Variants in MYH3 observed in about 807,000 individuals in gnomAD.
MYH3 encodes myosin heavy chain 3.
In MYH3, 130 loss-of-function variants were observed where a neutral mutation model predicts 238.0. That is an observed-to-expected ratio of 0.55 (90% CI 0.47 to 0.63). The LOEUF (loss-of-function observed/expected upper bound fraction) is 0.63. Among genes scored for constraint, MYH3 ranks in the 30% least tolerant of loss-of-function variants. MYH3 has a pLI of 0.00. For synonymous variants in MYH3, 880 were observed against 924.1 expected (o/e 0.95, Z 0.86); for missense variants, 1,853 against 2,374.9 (o/e 0.78, Z 4.57).
Position 10,640,425 on chromosome 17 carries a change from C to T in MYH3, c.2334G>A (p.Arg778=), listed in dbSNP as rs1460223492. Residue 778 remains arginine, a synonymous_variant, in exon 21 of 41, where the codon CGG becomes CGA. Transcript: ENST00000583535. ...AGLLGTLEEM[R]DDRLAKLITR... ...TGATTAGTTTGGCCAGGCGGTCATC[C>T]CGCATCTCTTCCAGGGTTCCCAGCA... 4 of 1,614,218 alleles carry T rather than the reference C, an allele frequency of 2.5e-6. No individual in the cohort carries two copies. Among genetic ancestry groups the T allele is most frequent in the East Asian group, 4.5e-5 (2 of 44,888 alleles).
Position 10,638,876 on chromosome 17 carries a change from C to T in MYH3, c.3336G>A (p.Leu1112=). The change falls in exon 26 of 41, where the codon TTG becomes TTA. Residue 1112 remains leucine, a synonymous_variant. Transcript: ENST00000583535. ...GAGAAATGCAGAGGGCTCCTACCTG[C>T]AACTCTTTGATTTTCTTCTGAAACT... is the stretch of plus-strand genomic sequence containing the variant. The part of the protein sequence containing the change: ...GLQFQKKIKE[L]QARIEELEEE... 1 of 1,613,820 alleles carries T rather than the reference C, an allele frequency of 6.2e-7. No homozygotes were observed.
At chr17:10,664,758 G>A in the MYH3 span, among the ~76,000 whole-genome samples, 15 of 152,146 alleles carry the variant, frequency 9.9e-5, no homozygotes, top group Admixed American at 2.0e-4. Flanking sequence ...GATGATTGAC[G>A]GGACCCTTGT....
chr17:10,636,953 A>G (rs1200714986), intron 28 of MYH3, among the ~76,000 whole-genome samples: 1 of 151,642 alleles, frequency 6.6e-6, no homozygotes, highest in Non-Finnish European at 1.5e-5. Context: ...TCTTTTCTTC[A>G]TTGTCTTGGC....
At chr17:10,670,103 T>C in the MYH3 span, among the ~76,000 whole-genome samples, 1 of 152,192 alleles carries the variant, frequency 6.6e-6, no homozygotes, top group Non-Finnish European at 1.5e-5. The surrounding 1 kb of genome is among the most constrained non-coding windows in gnomAD (Gnocchi z 7.0). Context: ...CCAGGGGGAA[T>C]GTCCATGACA....
chr17:10,641,290 G>T lies in MYH3; in HGVS notation c.2042C>A (p.Thr681Asn). The change falls in exon 18 of 41, where the codon ACT (threonine) becomes AAT (asparagine). Residue 681 changes from threonine to asparagine, a missense_variant. This residue lies in a region of MYH3 where 678 missense variants were observed against 1,058.9 expected (regional missense o/e 0.64). Transcript: ENST00000583535. ...VRCIIPNETK[T>N]PGAMEHSLVL... is the part of the protein sequence containing the mutation. ...CGAGCCAGCAGGTGTCTCACCTGGAGTTTTGGTTTCATTGGGAATTATACA... is the reference window on the plus strand; with the variant it reads ...CGAGCCAGCAGGTGTCTCACCTGGATTTTTGGTTTCATTGGGAATTATACA... 1 of 1,612,384 alleles carries T rather than the reference G, an allele frequency of 6.2e-7. No individual in the cohort carries two copies. Among genetic ancestry groups the T allele is most frequent in the Non-Finnish European group, 8.5e-7 (1 of 1,178,472 alleles).
the MYH3 span, among the ~76,000 whole-genome samples, chr17:10,663,568 G>C: frequency 0.021 from 3,121 of 152,194 alleles, 103 homozygotes; most frequent in African/African-American, 0.07. Context: ...GTGGTACAGG[G>C]AAAGCCAAGT....
In MYH3 at chr17:10,638,660, T is replaced by G. The variant is rs375900022; in HGVS notation, c.3339+213A>C. Among the ~76,000 whole-genome samples, 18 of 152,358 alleles carry G rather than the reference T, an allele frequency of 1.2e-4. No homozygotes were observed. The East Asian group carries it at 2.9e-3, about 24-fold the overall frequency. On this transcript the variant is annotated intron_variant, in intron 26 of 40. Coordinates refer to ENST00000583535, the MANE Select transcript of MYH3 (RefSeq NM_002470.4). ...CACCAACTAAATGTTAACTTTTAGT[T>G]GTTAACTTAAATACTTTAATTATGG...
rs528266205 is a variant in MYH3, at chr17:10,649,850, G to A, written c.534-165C>T. 3.3e-5 allele frequency among the ~76,000 whole-genome samples: 5 copies of A among 152,286 alleles called. No individual in the cohort carries two copies. The East Asian group carries it at 9.6e-4, about 29-fold the overall frequency. ...GAGAAGGCAGACGCCCAGGGCACAG[G>A]TGCCACAGGCACTTGCTCAGCTGAC... On this transcript the variant is annotated intron_variant, in intron 6 of 40. Coordinates refer to ENST00000583535, the MANE Select transcript of MYH3 (RefSeq NM_002470.4).
Position 10,652,519 on chromosome 17 carries a change from G to A in MYH3, c.249C>T (p.Pro83=), listed in dbSNP as rs139160750. ...KPEDVYAMNP[P]KFDRIEDMAM... ...CCATGTCTTCGATCCTGTCGAACTT[G>A]GGGGGGTTCATGGCGTACACATCCT... The change falls in exon 4 of 41, where the codon CCC becomes CCT. Residue 83 remains proline (P), a synonymous_variant. Transcript: ENST00000583535. 4 of 1,611,554 alleles carry A rather than the reference G, an allele frequency of 2.5e-6. No individual in the cohort carries two copies. In the South Asian group the frequency reaches 3.3e-5, roughly 13 times the overall value.
intron 3 of MYH3, among the ~76,000 whole-genome samples, chr17:10,653,907 T>A (rs1329088330): frequency 6.6e-6 from 1 of 152,172 alleles, no homozygotes; most frequent in Non-Finnish European, 1.5e-5. Flanking sequence ...TTATTGGAAA[T>A]ACACAGAGAG....
chr17:10,635,340 C>G, intron 30 of MYH3, 27 bp downstream of exon 30: 1 of 1,614,006 alleles, frequency 6.2e-7, no homozygotes, highest in Non-Finnish European at 8.5e-7. Flanking sequence ...CTAAGTAGTT[C>G]TTCTAAAAGC....
upstream of MYH3, among the ~76,000 whole-genome samples, chr17:10,659,906 C>T (rs1418363821): frequency 6.6e-6 from 1 of 152,220 alleles, no homozygotes; most frequent in African/African-American, 2.4e-5. Flanking sequence ...CCACGGCAGT[C>T]TGGAGAGCAG....
At chr17:10,643,771 C>T (rs1456507094) in intron 14 of MYH3, among the ~76,000 whole-genome samples, 1 of 152,172 alleles carries the variant, frequency 6.6e-6, no homozygotes, top group African/African-American at 2.4e-5. Flanking sequence ...GATGGCAGTC[C>T]CTAAATCAGT....
chr17:10,639,055 T>G lies in MYH3; in HGVS notation c.3237A>C (p.Glu1079Asp), dbSNP rs2142397504. The G allele has an allele frequency of 6.2e-7, 1 of 1,614,234 alleles. No individual in the cohort carries two copies. Among genetic ancestry groups the G allele is most frequent in the East Asian group, 2.2e-5 (1 of 44,884 alleles). Residue 1079 changes from glutamate to aspartate, a missense_variant, in exon 25 of 41, where the codon GAA becomes GAC. Glu to Asp is a conservative substitution (Grantham distance 45). Around this residue, in one of 3 missense-constraint regions of MYH3, gnomAD observed 1,044 missense variants for 1,192.6 expected, o/e 0.88. Coordinates refer to ENST00000583535, the MANE Select transcript of MYH3 (RefSeq NM_002470.4). ...DLENDKQQLD[E>D]RLKKKDFEYC... ...GTTGAAGGGCATACTTCTTGAGCCTTTCGTCCAGCTGTTGCTTGTCATTCT... is the reference window on the plus strand; with the variant it reads ...GTTGAAGGGCATACTTCTTGAGCCTGTCGTCCAGCTGTTGCTTGTCATTCT...
In MYH3 at chr17:10,654,093, T is replaced by A. The variant is rs540579298; in HGVS notation, c.204+768A>T. Among the ~76,000 whole-genome samples the A allele has an allele frequency of 5.9e-5, 9 of 152,330 alleles. No homozygotes were observed. The South Asian group carries it at 1.9e-3, about 32-fold the overall frequency. ...GGTTTTTAATGCCTTTTTTCCTTCATGCCCAACCCAATGATAGTATTTCCT... is the reference window on the plus strand; with the variant it reads ...GGTTTTTAATGCCTTTTTTCCTTCAAGCCCAACCCAATGATAGTATTTCCT... On this transcript the variant is annotated intron_variant, in intron 3 of 40. Transcript: ENST00000583535. The surrounding 1 kb of genome is among the most constrained non-coding windows in gnomAD (Gnocchi z 4.5).
chr17:10,652,498 G>A lies in MYH3; in HGVS notation c.270C>T (p.Asp90=), dbSNP rs778452222. 6.2e-7 allele frequency: 1 copy of A among 1,612,696 alleles called. No homozygotes were observed. The highest frequency in any genetic ancestry group is 8.5e-7 in the Non-Finnish European group (1 of 1,179,452). ...CATTCAGGTGCGTCAGCATGGCCAT[G>A]TCTTCGATCCTGTCGAACTTGGGGG... ...MNPPKFDRIE[D]MAMLTHLNEP... Residue 90 remains aspartate, a synonymous_variant, in exon 4 of 41, where the codon GAC becomes GAT. Coordinates refer to ENST00000583535, the MANE Select transcript of MYH3 (RefSeq NM_002470.4).
intron 36 of MYH3, 150 bp from the exon 37 acceptor site, chr17:10,630,608 G>A: frequency 8.4e-7 from 1 of 1,184,400 alleles, no homozygotes; most frequent in Non-Finnish European, 1.2e-6. Flanking sequence ...CCAGCACTTT[G>A]GGAGGCCAAG....
At chr17:10,666,068 G>A in the MYH3 span, among the ~76,000 whole-genome samples, 1 of 151,982 alleles carries the variant, frequency 6.6e-6, no homozygotes, top group East Asian at 1.9e-4. Context: ...AAATGAATCC[G>A]GATCCATACC....
the MYH3 span, chr17:10,674,427 A>G: frequency 3.5e-6 from 1 of 288,626 alleles, no homozygotes. Flanking sequence ...ACTCCATCTC[A>G]AAACAAACAA....
Sources: allele counts gnomAD v4.1 joint callset (sites outside exome capture counted in the v4.1 genomes callset), GRCh38; gene constraint gnomAD v4.1.1; regional missense constraint gnomAD v4.1.1; non-coding constraint Gnocchi (gnomAD v3.1); transcripts MANE v1.5; gene names NCBI Gene and HGNC (gene_info 2026-07-23, HGNC 2026-07-21).